The following LRP1B variants were observed in gnomAD, a reference collection of about 807,000 sequenced individuals.
The protein encoded by LRP1B is LDL receptor related protein 1B.
In LRP1B, 217 loss-of-function variants were observed where a neutral mutation model predicts 556.6. That is an observed-to-expected ratio of 0.39 (90% CI 0.35 to 0.44). The LOEUF (loss-of-function observed/expected upper bound fraction) is 0.44. LRP1B is among the 20% of genes least tolerant of loss of function. LRP1B has a pLI of 1.00. For missense variants in LRP1B, 5,053 were observed against 5,620.8 expected (o/e 0.90, Z 3.23); for synonymous variants, 2,047 against 1,865.8 (o/e 1.10, Z -2.50).
chr2:141,516,480 T>C (rs1407811838), intron 2 of LRP1B, among the ~76,000 whole-genome samples: 1 of 152,132 alleles, frequency 6.6e-6, no homozygotes, highest in Non-Finnish European at 1.5e-5. Context: ...CTGGGCTACC[T>C]TTTGTTGAGA....
chr2:140,463,830 G>A (rs138058476), intron 60 of LRP1B, among the ~76,000 whole-genome samples: 157 of 152,230 alleles, frequency 1.0e-3, no homozygotes, highest in African/African-American at 3.6e-3. Context: ...AAATAAACTT[G>A]TGTCTCTCCT....
intron 32 of LRP1B, among the ~76,000 whole-genome samples, chr2:140,800,536 A>C (rs930399349): frequency 1.3e-5 from 2 of 152,220 alleles, no homozygotes; most frequent in African/African-American, 4.8e-5. Context: ...CGAGAATTAC[A>C]CAAGTATAGA....
chr2:142,057,737 C>T (rs1003682226), intron 1 of LRP1B, among the ~76,000 whole-genome samples: 7 of 152,110 alleles, frequency 4.6e-5, no homozygotes, highest in Non-Finnish European at 8.8e-5. Context: ...GAAGTTATTA[C>T]GTAGATTAAG....
At chr2:141,961,457 A>T (rs2105055277) in intron 1 of LRP1B, among the ~76,000 whole-genome samples, 1 of 151,844 alleles carries the variant, frequency 6.6e-6, no homozygotes, top group Non-Finnish European at 1.5e-5. Context: ...TGAGTTTTTT[A>T]AAAAGGACAA....
At chr2:141,221,694 T>C (rs1337687911) in intron 6 of LRP1B, among the ~76,000 whole-genome samples, 3 of 152,048 alleles carry the variant, frequency 2.0e-5, no homozygotes, top group Admixed American at 6.6e-5. Flanking sequence ...ACTCCTCAAC[T>C]AATACAAAAT....
chr2:140,579,123 G>A (rs1681656657), intron 43 of LRP1B, among the ~76,000 whole-genome samples: 1 of 152,112 alleles, frequency 6.6e-6, no homozygotes, highest in African/African-American at 2.4e-5. Flanking sequence ...CTTGAACTAA[G>A]TAAGAAAATT....
chr2:140,745,985 G>C (rs546388125), intron 35 of LRP1B, among the ~76,000 whole-genome samples: 1 of 152,220 alleles, frequency 6.6e-6, no homozygotes, highest in East Asian at 1.9e-4. Context: ...TATATCAGAT[G>C]GGTAATTCTG....
chr2:140,378,093 C>A, intron 68 of LRP1B, 87 bp downstream of exon 68: 1 of 845,572 alleles, frequency 1.2e-6, no homozygotes, highest in Non-Finnish European at 1.9e-6. Flanking sequence ...CTGAGCTGTC[C>A]TTGCCGCACT....
intron 41 of LRP1B, among the ~76,000 whole-genome samples, chr2:140,651,478 T>C (rs1684681992): frequency 7.2e-6 from 1 of 139,332 alleles, no homozygotes; most frequent in Admixed American, 7.7e-5. Flanking sequence ...ATTGTGCACA[T>C]GTACCCTAAA....
intron 60 of LRP1B, among the ~76,000 whole-genome samples, chr2:140,460,775 T>C (rs1447276204): frequency 6.6e-6 from 1 of 152,176 alleles, no homozygotes; most frequent in Admixed American, 6.5e-5. Context: ...CATTATGTAT[T>C]GTACTGTTTC....
chr2:141,661,863 C>G (rs1208108708), intron 2 of LRP1B, among the ~76,000 whole-genome samples: 1 of 152,050 alleles, frequency 6.6e-6, no homozygotes, highest in Non-Finnish European at 1.5e-5. Context: ...AAGAGCAACT[C>G]CAAGACACAT....
chr2:140,571,067 G>A (rs181769094), intron 43 of LRP1B, among the ~76,000 whole-genome samples: 3 of 151,908 alleles, frequency 2.0e-5, no homozygotes, highest in East Asian at 3.9e-4. Flanking sequence ...ATGAAGCAAA[G>A]CTGAAAGCTT....
chr2:141,190,377 C>T (rs1681455575), intron 6 of LRP1B, among the ~76,000 whole-genome samples: 1 of 151,816 alleles, frequency 6.6e-6, no homozygotes, highest in South Asian at 2.1e-4. Context: ...TCTTTTTGCC[C>T]CTACGCTATT....
At chr2:141,980,867 A>T (rs982225967) in intron 1 of LRP1B, among the ~76,000 whole-genome samples, 8 of 152,018 alleles carry the variant, frequency 5.3e-5, no homozygotes, top group African/African-American at 1.9e-4. Context: ...TCACTTTGAC[A>T]TTTCACTTGT....
intron 2 of LRP1B, among the ~76,000 whole-genome samples, chr2:141,759,612 T>C (rs1694458057): frequency 6.6e-6 from 1 of 152,174 alleles, no homozygotes; most frequent in African/African-American, 2.4e-5. Flanking sequence ...GCTAAATCAT[T>C]GAACAGATAA....
At chr2:141,779,419 C>CT (rs34529015) in intron 2 of LRP1B, among the ~76,000 whole-genome samples, 40,515 of 130,804 alleles carry the variant, frequency 0.31, 6,633 homozygotes, top group Middle Eastern at 0.5. Context: ...AAAATAAAAA[C>CT]TTTTTTTTTT....
chr2:140,834,041 C>CA (rs1691811876), intron 31 of LRP1B, among the ~76,000 whole-genome samples: 1 of 152,146 alleles, frequency 6.6e-6, no homozygotes, highest in Non-Finnish European at 1.5e-5. Flanking sequence ...AGAGACTCAT[C>CA]AACTCTTCAG....
At chr2:141,611,903 C>T (rs1488075641) in intron 2 of LRP1B, among the ~76,000 whole-genome samples, 1 of 152,164 alleles carries the variant, frequency 6.6e-6, no homozygotes, top group Non-Finnish European at 1.5e-5. Flanking sequence ...GGAATTTCTT[C>T]AGAGACTGGT....
At chr2:141,325,535 G>A (rs1687401810) in intron 3 of LRP1B, among the ~76,000 whole-genome samples, 1 of 152,068 alleles carries the variant, frequency 6.6e-6, no homozygotes, top group African/African-American at 2.4e-5. Context: ...TTGTTTAGAT[G>A]ATTTTCCTCT....
Sources: gnomAD v4.1 joint callset for allele counts (sites outside exome capture counted in the v4.1 genomes callset) on GRCh38, gnomAD v4.1.1 for gene constraint, MANE v1.5 for transcripts, NCBI Gene and HGNC (gene_info 2026-07-23, HGNC 2026-07-21) for gene names.